SPIRE2: variants seen among roughly 807,000 people sequenced by gnomAD.
SPIRE2 encodes the protein protein spire homolog 2.
SPIRE2 carries 76 observed loss-of-function variants against 80.7 expected under a neutral mutation model. The observed-to-expected ratio is 0.94, with a 90% CI of 0.78 to 1.14. SPIRE2 has a LOEUF of 1.14. Among genes scored for constraint, SPIRE2 ranks in the 50% most tolerant of loss-of-function variants. SPIRE2 has a pLI of 0.00. For synonymous variants in SPIRE2, 535 were observed against 432.6 expected (o/e 1.24, Z -2.94); for missense variants, 1,196 against 1,015.3 (o/e 1.18, Z -2.42).
At chr16:89,840,471 G>C (rs190295257) in intron 1 of SPIRE2, among the ~76,000 whole-genome samples, 345 of 150,714 alleles carry the variant, frequency 2.3e-3, no homozygotes, top group Non-Finnish European at 4.3e-3. Context: ...GGATGGTTTC[G>C]ATCTCCTGAC....
At chr16:89,867,246 G>C (rs975521984) in intron 12 of SPIRE2, among the ~76,000 whole-genome samples, 1 of 151,734 alleles carries the variant, frequency 6.6e-6, no homozygotes, top group Non-Finnish European at 1.5e-5. Context: ...CTGGGTTCAA[G>C]CAATTCTCTG....
intron 9 of SPIRE2, among the ~76,000 whole-genome samples, chr16:89,859,773 T>C (rs1041850129): frequency 6.6e-6 from 1 of 152,124 alleles, no homozygotes; most frequent in Non-Finnish European, 1.5e-5. Flanking sequence ...TTCGCGCTGC[T>C]GAGCACAGAA....
intron 12 of SPIRE2, among the ~76,000 whole-genome samples, chr16:89,866,523 C>G (rs76846556): frequency 0.062 from 9,467 of 152,034 alleles, 493 homozygotes; most frequent in East Asian, 0.25. Flanking sequence ...CTCCAACTCC[C>G]GACCTCAGGT....
chr16:89,830,713 C>G (rs1277626264), intron 1 of SPIRE2, among the ~76,000 whole-genome samples: 2 of 150,948 alleles, frequency 1.3e-5, no homozygotes, highest in Non-Finnish European at 3.0e-5. Flanking sequence ...CTCACACAAA[C>G]TGAATATGGG....
At chr16:89,868,308 C>G in intron 13 of SPIRE2, 92 bp downstream of exon 13, 1 of 1,260,726 alleles carries the variant, frequency 7.9e-7, no homozygotes, top group South Asian at 1.2e-5. Context: ...GCTGCCTCAC[C>G]AGGCACCTCA....
In SPIRE2 at chr16:89,850,935, C is replaced by T. The variant is rs558875988; in HGVS notation, c.645+275C>T. Reference sequence around the variant, plus strand: ...CACTGCAACCTCCGCCTCCCAGGTTCAAGCAATTCTCCTGCCACAGGCTCC... The same window carrying T: ...CACTGCAACCTCCGCCTCCCAGGTTTAAGCAATTCTCCTGCCACAGGCTCC... On this transcript the variant is annotated intron_variant, in intron 3 of 14. Transcript: ENST00000378247. 3.9e-5 allele frequency among the ~76,000 whole-genome samples: 6 copies of T among 152,162 alleles called. No individual in the cohort carries two copies. The South Asian group carries it at 8.3e-4, about 21-fold the overall frequency.
At chr16:89,829,040 A>T (rs1210151061) in intron 1 of SPIRE2, among the ~76,000 whole-genome samples, 7 of 147,016 alleles carry the variant, frequency 4.8e-5, no homozygotes, top group African/African-American at 1.8e-4. Flanking sequence ...GGACCCCCCC[A>T]CCTGACGCCT....
intron 13 of SPIRE2, among the ~76,000 whole-genome samples, chr16:89,869,045 A>ACATATATATATATATATATATATAT (rs1185522189): frequency 4.3e-4 from 16 of 37,170 alleles, no homozygotes; most frequent in Admixed American, 6.6e-4. Flanking sequence ...AAAAAAAAAA[A>ACATATATATATATATATATATATAT]AAAAAAAAAT....
In SPIRE2 at chr16:89,858,337, G is replaced by T; in HGVS notation, c.1103-1G>T. The T allele has an allele frequency of 6.3e-7, 1 of 1,591,836 alleles. No individual in the cohort carries two copies. The highest frequency in any genetic ancestry group is 8.6e-7 in the Non-Finnish European group (1 of 1,169,352). ...TCCTGCCTCGGCTCCCGTCTCCCCA[G>T]GGTTTGGCTCTCTGCCCTGCATCCT... On this transcript the variant is annotated splice_acceptor_variant, in intron 7 of 14. Coordinates refer to ENST00000378247, the MANE Select transcript of SPIRE2 (RefSeq NM_032451.2). LOFTEE classifies it high-confidence loss of function.
In SPIRE2 at chr16:89,863,731, G is replaced by T. The variant is rs78502615; in HGVS notation, c.1711-63G>T. The T allele has an allele frequency of 6.2e-7, 1 of 1,605,264 alleles. No homozygotes were observed. The highest frequency in any genetic ancestry group is 1.3e-5 in the African/African-American group (1 of 74,808). On this transcript the variant is annotated intron_variant, in intron 11 of 14. Coordinates refer to ENST00000378247, the MANE Select transcript of SPIRE2 (RefSeq NM_032451.2). The surrounding 1 kb of genome is among the most constrained non-coding windows in gnomAD (Gnocchi z 4.3). ...GTTGGGAGCCCTGAGGGGGTAGCAG[G>T]GACAGGGCGGGACCCCAGGGAGCTT...
In SPIRE2 at chr16:89,828,857, G is replaced by A. The variant is rs2041352043; in HGVS notation, c.244+63G>A. 1.7e-6 allele frequency: 2 copies of A among 1,146,744 alleles called. No individual in the cohort carries two copies. The highest frequency in any genetic ancestry group is 2.2e-6 in the Non-Finnish European group (2 of 928,702). 71.0% of individuals were successfully genotyped at this position (1,146,744 alleles called of 1,614,324 possible). On this transcript the variant is annotated intron_variant, in intron 1 of 14. Coordinates refer to ENST00000378247, the MANE Select transcript of SPIRE2 (RefSeq NM_032451.2). This position sits in a 1 kb window ranked among gnomAD's most constrained non-coding sequence, Gnocchi z 5.9. Reference sequence around the variant, plus strand: ...TCTGGGGCGTCCGTCCCGCCCCCTGGGTGGGGGTGGTCCCGGCGGAGAGGC... The same window carrying A: ...TCTGGGGCGTCCGTCCCGCCCCCTGAGTGGGGGTGGTCCCGGCGGAGAGGC...
chr16:89,838,563 G>A (rs72811601), intron 1 of SPIRE2, among the ~76,000 whole-genome samples: 5,405 of 152,188 alleles, frequency 0.036, 145 homozygotes, highest in Middle Eastern at 0.19. Flanking sequence ...GGTGAGCCAC[G>A]GAAGCCACAC....
intron 1 of SPIRE2, among the ~76,000 whole-genome samples, chr16:89,835,863 T>C (rs1320941616): frequency 2.0e-5 from 3 of 150,496 alleles, no homozygotes; most frequent in African/African-American, 7.3e-5. Context: ...GCGGGAGGAG[T>C]GCGTGGGAGT....
chr16:89,840,287 T>C (rs2041491631), intron 1 of SPIRE2, among the ~76,000 whole-genome samples: 2 of 150,042 alleles, frequency 1.3e-5, no homozygotes, highest in African/African-American at 4.9e-5. Flanking sequence ...TCTCGCTCTG[T>C]CGTCCAGGCT....
chr16:89,831,428 C>G (rs1173856440), intron 1 of SPIRE2, among the ~76,000 whole-genome samples: 3 of 145,232 alleles, frequency 2.1e-5, no homozygotes, highest in South Asian at 2.1e-4. Flanking sequence ...GAGACAGTCT[C>G]GCTCTGTCGC....
chr16:89,841,239 C>T (rs914620825), intron 1 of SPIRE2, among the ~76,000 whole-genome samples: 1 of 151,492 alleles, frequency 6.6e-6, no homozygotes, highest in Non-Finnish European at 1.5e-5. Flanking sequence ...CTCATTGAGG[C>T]TGTGCTTCCC....
At chr16:89,838,530 AC>A (rs2041473213) in intron 1 of SPIRE2, among the ~76,000 whole-genome samples, 1 of 152,072 alleles carries the variant, frequency 6.6e-6, no homozygotes, top group Non-Finnish European at 1.5e-5. Flanking sequence ...ATCAGCGGGA[AC>A]CAGGGAAGCT....
Position 89,850,599 on chromosome 16 carries a change from C to A in SPIRE2, c.584C>A (p.Ala195Glu). The change falls in exon 3 of 15, where the codon GCG (alanine) becomes GAG (glutamate). Residue 195 changes from alanine (A) to glutamate (E), a missense_variant. Coordinates refer to ENST00000378247, the MANE Select transcript of SPIRE2 (RefSeq NM_032451.2). ...AQAHYQAVCR[A>E]LFVETLELRA... Reference sequence around the variant, plus strand: ...GCGCATTACCAGGCCGTGTGCCGCGCGCTCTTCGTGGAGACGCTGGAGCTG... The same window carrying A: ...GCGCATTACCAGGCCGTGTGCCGCGAGCTCTTCGTGGAGACGCTGGAGCTG... 2 of 1,519,660 alleles carry A rather than the reference C, an allele frequency of 1.3e-6. No homozygotes were observed. The highest frequency in any genetic ancestry group is 8.8e-7 in the Non-Finnish European group (1 of 1,139,366). The allele number at this position is 1,519,660 out of a possible 1,614,324, so 94.1% of individuals were successfully genotyped here.
At position 89,854,666 on chromosome 16, in the gene SPIRE2, C is replaced by A. The variant is rs148577461; in HGVS notation, c.891+15C>A. 5 of 1,605,986 alleles carry A rather than the reference C, an allele frequency of 3.1e-6. No individual in the cohort carries two copies. The African/African-American group carries it at 5.4e-5, about 17-fold the overall frequency. ...GCAAGGTCATGGTGAGCGGGGCAGACGCAGAGGGGCAGCCTGGATGCAGAG... is the reference window on the plus strand; with the variant it reads ...GCAAGGTCATGGTGAGCGGGGCAGAAGCAGAGGGGCAGCCTGGATGCAGAG... On this transcript the variant is annotated intron_variant, in intron 5 of 14. Coordinates refer to ENST00000378247, the MANE Select transcript of SPIRE2 (RefSeq NM_032451.2).
Sources: gnomAD v4.1 joint callset for allele counts (sites outside exome capture counted in the v4.1 genomes callset) on GRCh38, gnomAD v4.1.1 for gene constraint, Gnocchi (gnomAD v3.1) non-coding constraint, MANE v1.5 for transcripts, NCBI Gene and HGNC (gene_info 2026-07-23, HGNC 2026-07-21) for gene names.